The following UNC13C variants were observed in gnomAD, a reference collection of about 807,000 sequenced individuals.
UNC13C encodes protein unc-13 homolog C.
A neutral mutation model predicts 245.4 loss-of-function variants in UNC13C; 174 were observed. The ratio of observed to expected loss-of-function variants is 0.71; its 90% CI spans 0.63 to 0.80. UNC13C has a LOEUF of 0.80. Among genes scored for constraint, UNC13C ranks in the 30% least tolerant of loss-of-function variants. The pLI is 0.00. For missense variants in UNC13C, 2,829 were observed against 2,602.9 expected (o/e 1.09, Z -1.89); for synonymous variants, 992 against 895.1 (o/e 1.11, Z -1.93).
At chr15:54,226,331 A>T (rs1036907696) in intron 4 of UNC13C, among the ~76,000 whole-genome samples, 1 of 152,148 alleles carries the variant, frequency 6.6e-6, no homozygotes, top group Non-Finnish European at 1.5e-5. Context: ...TGAGTTAGGG[A>T]TGAGTCCATC....
intron 10 of UNC13C, among the ~76,000 whole-genome samples, chr15:54,275,086 A>G (rs992713996): frequency 3.3e-5 from 5 of 152,324 alleles, no homozygotes; most frequent in African/African-American, 9.6e-5. Flanking sequence ...AAATATGCCA[A>G]TGATCACATT....
At chr15:54,258,663 C>G (rs1161150263) in intron 8 of UNC13C, among the ~76,000 whole-genome samples, 1 of 152,158 alleles carries the variant, frequency 6.6e-6, no homozygotes, top group Non-Finnish European at 1.5e-5. Flanking sequence ...GCCACCACTC[C>G]TGGCCTGAAG....
At chr15:53,963,857 G>A in the UNC13C span, among the ~76,000 whole-genome samples, 2 of 152,118 alleles carry the variant, frequency 1.3e-5, no homozygotes, top group South Asian at 2.1e-4. Context: ...GCTGCACATG[G>A]AAATGGAAAT....
chr15:54,445,304 G>A (rs996622902), intron 19 of UNC13C, among the ~76,000 whole-genome samples: 1 of 152,140 alleles, frequency 6.6e-6, no homozygotes, highest in Non-Finnish European at 1.5e-5. Context: ...GTAGCAGCAT[G>A]ATTTATAATC....
chr15:54,032,300 G>A (rs560194675), intron 2 of UNC13C, among the ~76,000 whole-genome samples: 24 of 152,258 alleles, frequency 1.6e-4, no homozygotes, highest in South Asian at 6.2e-4. Context: ...GTCAAGGTAC[G>A]TCAAATCAGG....
At chr15:54,201,689 A>G (rs2034527789) in intron 4 of UNC13C, among the ~76,000 whole-genome samples, 1 of 152,050 alleles carries the variant, frequency 6.6e-6, no homozygotes, top group Admixed American at 6.6e-5. Flanking sequence ...CATCTAGGAC[A>G]AACCCACAGC....
At chr15:54,079,188 G>C (rs1475022403) in intron 2 of UNC13C, among the ~76,000 whole-genome samples, 1 of 152,026 alleles carries the variant, frequency 6.6e-6, no homozygotes. Flanking sequence ...TTCTGTACTT[G>C]TACGATGTTC....
At chr15:54,393,241 A>G in intron 18 of UNC13C, 60 bp downstream of exon 18, 1 of 1,390,722 alleles carries the variant, frequency 7.2e-7, no homozygotes, top group South Asian at 1.7e-5. Flanking sequence ...AATAATACAT[A>G]TTTTAAGCGC....
At chr15:53,874,975 C>T in the UNC13C span, among the ~76,000 whole-genome samples, 1 of 152,012 alleles carries the variant, frequency 6.6e-6, no homozygotes, top group African/African-American at 2.4e-5. Flanking sequence ...GCACCTGAAT[C>T]CCAGCTACTT....
rs1239611873 is a variant in UNC13C at position 54,015,577 on chromosome 15, A to T, written c.2674A>T (p.Arg892Trp). ...ACAAGTCCTTGCTAAACTAGAAAAC[A>T]GGACTAGTATTACTGAAACAGATGA... ...MEQVLAKLEN[R>W]TSITETDEQM... Residue 892 changes from arginine (R) to tryptophan (W), a missense_variant, in exon 2 of 33, where the codon AGG becomes TGG. Coordinates refer to ENST00000260323, the MANE Select transcript of UNC13C (RefSeq NM_001080534.3). 1.2e-6 allele frequency: 2 copies of T among 1,613,866 alleles called. No individual in the cohort carries two copies. The highest frequency in any genetic ancestry group is 1.7e-5 in the Admixed American group (1 of 60,010).
chr15:54,283,557 T>C (rs969670596), intron 10 of UNC13C, among the ~76,000 whole-genome samples: 33 of 152,164 alleles, frequency 2.2e-4, no homozygotes, highest in Non-Finnish European at 8.8e-5. Flanking sequence ...GAATGTATTA[T>C]ATTTTATATA....
chr15:53,961,983 T>C, the UNC13C span, among the ~76,000 whole-genome samples: 1 of 152,236 alleles, frequency 6.6e-6, no homozygotes, highest in African/African-American at 2.4e-5. Flanking sequence ...TCACTTCTGA[T>C]TTTATTATCA....
At chr15:54,302,598 T>G (rs1194736100) in intron 13 of UNC13C, among the ~76,000 whole-genome samples, 1 of 152,156 alleles carries the variant, frequency 6.6e-6, no homozygotes, top group Non-Finnish European at 1.5e-5. Context: ...ATCAGATAGT[T>G]GTAGATGTGT....
chr15:54,392,843 G>A (rs2140916569), intron 17 of UNC13C, among the ~76,000 whole-genome samples: 1 of 151,982 alleles, frequency 6.6e-6, no homozygotes, highest in Non-Finnish European at 1.5e-5. Flanking sequence ...AAAGTGATTA[G>A]AAATACAAGC....
chr15:54,423,423 CA>C (rs2040694424), intron 19 of UNC13C, among the ~76,000 whole-genome samples: 1 of 151,716 alleles, frequency 6.6e-6, no homozygotes, highest in African/African-American at 2.4e-5. Flanking sequence ...TATAATACAG[CA>C]TATAGATAAT....
chr15:54,469,304 A>G (rs1892333613), intron 19 of UNC13C, among the ~76,000 whole-genome samples: 1 of 151,538 alleles, frequency 6.6e-6, no homozygotes, highest in South Asian at 2.1e-4. Context: ...GAGTTCCTTT[A>G]TGAGTTCTAG....
At chr15:53,974,024 C>T (rs371036958), upstream of UNC13C, among the ~76,000 whole-genome samples, 2 of 152,290 alleles carry the variant, frequency 1.3e-5, no homozygotes, top group African/African-American at 2.4e-5. Context: ...TAACCACTTA[C>T]TAGTTCTGTA....
At chr15:53,846,375 A>T in the UNC13C span, among the ~76,000 whole-genome samples, 2 of 152,198 alleles carry the variant, frequency 1.3e-5, no homozygotes, top group African/African-American at 4.8e-5. Context: ...GTGGATTTTT[A>T]AAAAATTTGT....
At chr15:54,053,181 A>ATTTATTT (rs3082268) in intron 2 of UNC13C, among the ~76,000 whole-genome samples, 15 of 150,872 alleles carry the variant, frequency 9.9e-5, no homozygotes, top group African/African-American at 2.7e-4. Flanking sequence ...CACCTGGCCA[A>ATTTATTT]TTTATTTTTT....
Sources: gnomAD v4.1 joint callset for allele counts (sites outside exome capture counted in the v4.1 genomes callset) on GRCh38, gnomAD v4.1.1 for gene constraint, MANE v1.5 for transcripts, NCBI Gene and HGNC (gene_info 2026-07-23, HGNC 2026-07-21) for gene names.